The following PLEK2 variants were observed in gnomAD, a reference collection of about 807,000 sequenced individuals.
PLEK2 encodes the protein pleckstrin-2.
Under a neutral mutation model 43.8 loss-of-function variants are expected in PLEK2, and 29 were observed. That is an observed-to-expected ratio of 0.66 (90% CI 0.49 to 0.90). The LOEUF is 0.90. Among genes scored for constraint, PLEK2 ranks in the 40% least tolerant of loss-of-function variants. The pLI, the probability that PLEK2 is intolerant of heterozygous loss-of-function variation, is 0.00. For synonymous variants in PLEK2, 162 were observed against 173.2 expected (o/e 0.94, Z 0.51); for missense variants, 398 against 448.1 (o/e 0.89, Z 1.01).
intron 1 of PLEK2, among the ~76,000 whole-genome samples, chr14:67,408,392 T>C (rs1040003400): frequency 2.0e-5 from 3 of 151,936 alleles, no homozygotes; most frequent in Admixed American, 2.0e-4. Flanking sequence ...ATACTTGCTA[T>C]GGGTTGAATT....
chr14:67,412,136 C>T lies in PLEK2; in HGVS notation c.-77G>A, dbSNP rs999549258. The T allele has an allele frequency of 6.2e-6, 8 of 1,283,906 alleles. No homozygotes were observed. The highest frequency in any genetic ancestry group is 1.6e-5 in the African/African-American group (1 of 63,586). The allele number at this position is 1,283,906 out of a possible 1,614,324, so 79.5% of individuals were successfully genotyped here. A position where few individuals can be genotyped will look rare whatever the true frequency, so the allele number is the denominator to read the frequency against. On this transcript the variant is annotated 5_prime_UTR_variant, in exon 1 of 9. Coordinates refer to ENST00000216446, the MANE Select transcript of PLEK2 (RefSeq NM_016445.3). ...CGCTCCTCGGCACCCGCGCAGCCCG[C>T]GCAGTCCGCGCCCACGGCGCCCAGG...
intron 1 of PLEK2, among the ~76,000 whole-genome samples, chr14:67,403,690 C>G (rs963863436): frequency 3.3e-5 from 5 of 152,120 alleles, no homozygotes; most frequent in African/African-American, 1.2e-4. Context: ...AAGCTGGTGG[C>G]CCTCATGAAA....
intron 6 of PLEK2, 151 bp downstream of exon 6, chr14:67,392,175 C>CT: frequency 1.6e-6 from 1 of 639,592 alleles, no homozygotes; most frequent in South Asian, 1.8e-5. Flanking sequence ...TGACTTGCTC[C>CT]TGGAGGCTGG....
Position 67,392,619 on chromosome 14 carries a change from A to C in PLEK2, c.669+43T>G, listed in dbSNP as rs999188777. 4 of 1,558,008 alleles carry C rather than the reference A, an allele frequency of 2.6e-6. No homozygotes were observed. The African/African-American group carries it at 5.4e-5, about 21-fold the overall frequency. ...GCCCCCATTCTGTTGTGTCTTCCTT[A>C]ACTTTTGCCCTGGTGGCAAGAAGAA... On this transcript the variant is annotated intron_variant, in intron 5 of 8. Transcript: ENST00000216446.
At chr14:67,397,867 G>A (rs201278363) in intron 1 of PLEK2, 41 bp from the exon 2 acceptor site, 633 of 1,544,034 alleles carry the variant, frequency 4.1e-4, no homozygotes, top group Non-Finnish European at 5.4e-4. Context: ...GGCGGTCAGT[G>A]GGAGGGTATG....
chr14:67,408,304 T>TAAAAG (rs2086093671), intron 1 of PLEK2, among the ~76,000 whole-genome samples: 1 of 69,152 alleles, frequency 1.4e-5, no homozygotes, highest in African/African-American at 4.4e-5. Context: ...ATAAATAAAA[T>TAAAAG]AAAATAAAAT....
At chr14:67,408,574 C>A (rs1385799320) in intron 1 of PLEK2, among the ~76,000 whole-genome samples, 1 of 152,066 alleles carries the variant, frequency 6.6e-6, no homozygotes, top group Non-Finnish European at 1.5e-5. Flanking sequence ...AAAATTTGGA[C>A]ACTAAGAGAC....
At chr14:67,402,656 C>A (rs543100139) in intron 1 of PLEK2, among the ~76,000 whole-genome samples, 2 of 152,124 alleles carry the variant, frequency 1.3e-5, no homozygotes, top group Non-Finnish European at 2.9e-5. Flanking sequence ...TTAGAGCTGG[C>A]GAATAAGTGA....
chr14:67,393,490 G>A (rs190647398), intron 3 of PLEK2, among the ~76,000 whole-genome samples: 13 of 152,180 alleles, frequency 8.5e-5, no homozygotes, highest in Admixed American at 5.2e-4. Context: ...GTCTCGCTCC[G>A]TCACCCAGGC....
rs1018039765 is a variant in PLEK2 at position 67,395,385 on chromosome 14, G to A, written c.389+17C>T. The stretch of plus-strand genomic sequence containing the variant: ...GCAGGAGAGGCTGCCACAGAGCCCG[G>A]CAAGTGGGGCACTCACTGCAGGCTG... On this transcript the variant is annotated intron_variant, in intron 3 of 8. Coordinates refer to ENST00000216446, the MANE Select transcript of PLEK2 (RefSeq NM_016445.3). 1 of 1,610,594 alleles carries A rather than the reference G, an allele frequency of 6.2e-7. No individual in the cohort carries two copies. The highest frequency in any genetic ancestry group is 8.5e-7 in the Non-Finnish European group (1 of 1,177,764).
chr14:67,392,254 T>C (rs1352734865), intron 6 of PLEK2, 72 bp downstream of exon 6: 4 of 1,037,024 alleles, frequency 3.9e-6, no homozygotes, highest in African/African-American at 3.1e-5. Flanking sequence ...CCTTCCCTTC[T>C]TCTGGGCTCA....
intron 3 of PLEK2, among the ~76,000 whole-genome samples, chr14:67,393,793 C>T (rs1017702945): frequency 5.3e-5 from 8 of 152,100 alleles, no homozygotes; most frequent in Non-Finnish European, 1.2e-4. Flanking sequence ...ACGGTGTTCC[C>T]ATAGCACGGC....
rs1010533382 is a variant in PLEK2 at position 67,407,590 on chromosome 14, A to G, written c.42+4428T>C. ...CAAGCAGCTGGGACTACAAGCGAGTACCACCATGACTGGCTAATTATTTTA... is the reference window on the plus strand; with the variant it reads ...CAAGCAGCTGGGACTACAAGCGAGTGCCACCATGACTGGCTAATTATTTTA... On this transcript the variant is annotated intron_variant, in intron 1 of 8. Coordinates refer to ENST00000216446, the MANE Select transcript of PLEK2 (RefSeq NM_016445.3). Among the ~76,000 whole-genome samples the G allele has an allele frequency of 2.0e-5, 3 of 151,822 alleles. 1 individual carries two copies. In the South Asian group the frequency reaches 6.2e-4, roughly 32 times the overall value.
intron 8 of PLEK2, 113 bp downstream of exon 8, chr14:67,388,111 A>G (rs1275137389): frequency 1.5e-6 from 1 of 681,208 alleles, no homozygotes; most frequent in Admixed American, 2.4e-5. Context: ...ACTCTGTCTC[A>G]TGGAGAAAGC....
chr14:67,406,626 C>T (rs549340460), intron 1 of PLEK2, among the ~76,000 whole-genome samples: 18 of 152,314 alleles, frequency 1.2e-4, no homozygotes, highest in South Asian at 4.1e-4. Context: ...AGCAAGCTTA[C>T]GTTCTCATGT....
Position 67,387,260 on chromosome 14 carries a change from C to T in PLEK2, c.*69G>A. The T allele has an allele frequency of 3.4e-6, 5 of 1,484,188 alleles. No individual in the cohort carries two copies. The highest frequency in any genetic ancestry group is 4.6e-6 in the Non-Finnish European group (5 of 1,092,970). 91.9% of individuals were successfully genotyped at this position (1,484,188 alleles called of 1,614,324 possible). A position where few individuals can be genotyped will look rare whatever the true frequency, so the allele number is the denominator to read the frequency against. ...AAAGAAGTCAAAAGTCTTAACACTC[C>T]CATTCTCCAGGAACTCTTGTCTGTG... On this transcript the variant is annotated 3_prime_UTR_variant, in exon 9 of 9. Transcript: ENST00000216446.
At chr14:67,402,198 T>C (rs1267950148) in intron 1 of PLEK2, among the ~76,000 whole-genome samples, 6 of 152,226 alleles carry the variant, frequency 3.9e-5, no homozygotes, top group Admixed American at 6.5e-5. Context: ...AAATGTTACA[T>C]TTCCCAGAGT....
Position 67,395,505 on chromosome 14 carries a change from C to T in PLEK2, c.286G>A (p.Ala96Thr). ...ACSREERDAW[A>T]FEITGAIHAG... ...TGAATAGCCCCGGTGATCTCAAAGG[C>T]CCAGGCATCCCGCTCCTCTCGAGAA... Residue 96 changes from alanine (A) to threonine (T), a missense_variant, in exon 3 of 9, where the codon GCC becomes ACC. Coordinates refer to ENST00000216446, the MANE Select transcript of PLEK2 (RefSeq NM_016445.3). 1 of 1,614,086 alleles carries T rather than the reference C, an allele frequency of 6.2e-7. No homozygotes were observed. The highest frequency in any genetic ancestry group is 8.5e-7 in the Non-Finnish European group (1 of 1,179,930).
intron 3 of PLEK2, among the ~76,000 whole-genome samples, chr14:67,393,635 G>T (rs989989288): frequency 6.6e-6 from 1 of 152,056 alleles, no homozygotes; most frequent in East Asian, 1.9e-4. Flanking sequence ...TGTAGTTTTA[G>T]TAGAGATGGG....
Sources: allele counts gnomAD v4.1 joint callset (sites outside exome capture counted in the v4.1 genomes callset), GRCh38; gene constraint gnomAD v4.1.1; transcripts MANE v1.5; gene names NCBI Gene and HGNC (gene_info 2026-07-23, HGNC 2026-07-21).